Variants in CBFA2T2 observed in about 807,000 individuals in gnomAD.
The protein encoded by CBFA2T2 is protein CBFA2T2.
CBFA2T2 carries 11 observed loss-of-function variants against 62.2 expected under a neutral mutation model. The observed-to-expected ratio is 0.18, with a 90% CI of 0.11 to 0.29. The LOEUF (loss-of-function observed/expected upper bound fraction) is 0.29, where lower values mean the gene tolerates loss of function less well. CBFA2T2 is among the 10% of genes least tolerant of loss of function. The pLI is 1.00. For synonymous variants in CBFA2T2, 295 were observed against 287.5 expected (o/e 1.03, Z -0.27); for missense variants, 592 against 774.1 (o/e 0.76, Z 2.79).
chr20:33,596,666 T>C (rs1234663220), intron 1 of CBFA2T2, among the ~76,000 whole-genome samples: 1 of 152,190 alleles, frequency 6.6e-6, no homozygotes. Context: ...TTCCGTAGAA[T>C]CTATATGCCA....
chr20:33,553,389 G>T (rs767154184), intron 1 of CBFA2T2, among the ~76,000 whole-genome samples: 1 of 152,184 alleles, frequency 6.6e-6, no homozygotes, highest in Non-Finnish European at 1.5e-5. Flanking sequence ...ACTACGCCTG[G>T]CTAATTTTTT....
At chr20:33,598,381 G>A (rs561338899) in intron 1 of CBFA2T2, among the ~76,000 whole-genome samples, 3 of 152,206 alleles carry the variant, frequency 2.0e-5, no homozygotes, top group South Asian at 4.1e-4. Context: ...ATCCAGGCGC[G>A]TATTCTCTTT....
chr20:33,630,040 C>A, intron 8 of CBFA2T2, 126 bp downstream of exon 8: 1 of 816,194 alleles, frequency 1.2e-6, no homozygotes. Flanking sequence ...TTTAGGGAAA[C>A]TCAGGTGATT....
chr20:33,559,106 T>C (rs1736321284), intron 1 of CBFA2T2, among the ~76,000 whole-genome samples: 1 of 152,016 alleles, frequency 6.6e-6, no homozygotes, highest in South Asian at 2.1e-4. Flanking sequence ...AAATAGGTAT[T>C]ATTATGAACT....
intron 1 of CBFA2T2, among the ~76,000 whole-genome samples, chr20:33,561,238 G>A (rs1367909363): frequency 1.3e-5 from 2 of 151,688 alleles, no homozygotes; most frequent in Non-Finnish European, 2.9e-5. Context: ...GATCTCAAAC[G>A]CCTGAGCTCA....
chr20:33,580,201 G>C (rs535604945), intron 1 of CBFA2T2, among the ~76,000 whole-genome samples: 7 of 152,242 alleles, frequency 4.6e-5, no homozygotes, highest in Non-Finnish European at 8.8e-5. Flanking sequence ...TTTTAGGCGT[G>C]TAAATTTTTA....
intron 1 of CBFA2T2, among the ~76,000 whole-genome samples, chr20:33,535,956 G>A (rs1205275348): frequency 6.6e-6 from 1 of 152,194 alleles, no homozygotes; most frequent in Non-Finnish European, 1.5e-5. Context: ...AGTGGACACA[G>A]CACATGTTTC....
chr20:33,533,311 A>G lies in CBFA2T2; in HGVS notation c.34+43010A>G, dbSNP rs563968056. ...CCATGCTCCCCCTGCCCTGTCTCCA[A>G]GCAAACACTAATCTGCTTTCAGTCA... On this transcript the variant is annotated intron_variant, in intron 1 of 10. Transcript: ENST00000342704. Among the ~76,000 whole-genome samples, 11 of 152,314 alleles carry G rather than the reference A, an allele frequency of 7.2e-5. No individual in the cohort carries two copies. The South Asian group carries it at 1.9e-3, about 26-fold the overall frequency.
Position 33,624,850 on chromosome 20 carries a change from A to G in CBFA2T2, c.779A>G (p.His260Arg). The G allele has an allele frequency of 6.2e-7, 1 of 1,614,162 alleles. No homozygotes were observed. Among genetic ancestry groups the G allele is most frequent in the Non-Finnish European group, 8.5e-7 (1 of 1,180,030 alleles). Residue 260 changes from histidine to arginine, a missense_variant, in exon 6 of 11, where the codon CAC becomes CGC. This residue lies in a region of CBFA2T2 where 449 missense variants were observed against 551.2 expected (regional missense o/e 0.81). Transcript: ENST00000342704. ...RVCTISPAPR[H>R]SPALTVPLMN... Reference sequence around the variant, plus strand: ...TGTACCATCAGCCCTGCTCCTCGGCACAGTCCTGCTCTCACTGTGCCCCTC... The same window carrying G: ...TGTACCATCAGCCCTGCTCCTCGGCGCAGTCCTGCTCTCACTGTGCCCCTC...
chr20:33,589,766 G>T (rs1354691522), intron 1 of CBFA2T2, among the ~76,000 whole-genome samples: 1 of 152,080 alleles, frequency 6.6e-6, no homozygotes, highest in African/African-American at 2.4e-5. Flanking sequence ...CACCAGAGCT[G>T]TTCAATTGAA....
chr20:33,539,216 G>A (rs2012345487), intron 1 of CBFA2T2, among the ~76,000 whole-genome samples: 1 of 152,200 alleles, frequency 6.6e-6, no homozygotes, highest in Non-Finnish European at 1.5e-5. Context: ...TAGGAAGAGA[G>A]TAACACAAGA....
rs1273891462 is a variant in CBFA2T2, at chr20:33,565,048, T to C, written c.35-41908T>C. Among the ~76,000 whole-genome samples the C allele has an allele frequency of 3.3e-5, 5 of 152,082 alleles. No homozygotes were observed. In the East Asian group the frequency reaches 9.7e-4, roughly 29 times the overall value. On this transcript the variant is annotated intron_variant, in intron 1 of 10. Transcript: ENST00000342704. ...TATTCTCCTGCCTCAGCCTCCAGAG[T>C]AGCTGGGACTACAGGCACCCGCCAC...
intron 3 of CBFA2T2, 113 bp downstream of exon 3, chr20:33,611,448 T>C (rs1180787470): frequency 8.4e-7 from 1 of 1,190,348 alleles, no homozygotes; most frequent in Non-Finnish European, 1.2e-6. Context: ...ATATGGCAAA[T>C]GCTACAGACT....
rs2017155626 is a variant in CBFA2T2, at chr20:33,649,074, T to C, written c.*4428T>C. On this transcript the variant is annotated 3_prime_UTR_variant, in exon 11 of 11. Coordinates refer to ENST00000342704, the MANE Select transcript of CBFA2T2 (RefSeq NM_001032999.3). ...GTAGAATTGAATAAATCACTGAAAA[T>C]AGAACACTTCTTGGAGGCTTTCTTC... 1 of 152,076 alleles carries C rather than the reference T, an allele frequency of 6.6e-6. No individual in the cohort carries two copies. 9.4% of individuals were successfully genotyped at this position (152,076 alleles called of 1,614,324 possible).
intron 1 of CBFA2T2, among the ~76,000 whole-genome samples, chr20:33,501,971 G>A (rs1022550703): frequency 1.3e-5 from 2 of 151,526 alleles, no homozygotes; most frequent in Non-Finnish European, 2.9e-5. Flanking sequence ...TTTTTATTTT[G>A]TAGAGATGAG....
At chr20:33,633,006 G>T (rs1460965845) in intron 8 of CBFA2T2, among the ~76,000 whole-genome samples, 1 of 151,764 alleles carries the variant, frequency 6.6e-6, no homozygotes, top group Non-Finnish European at 1.5e-5. Flanking sequence ...TAATCTGCCC[G>T]CCTTGGCCTC....
intron 1 of CBFA2T2, among the ~76,000 whole-genome samples, chr20:33,496,265 T>C (rs2011198410): frequency 6.6e-6 from 1 of 152,194 alleles, no homozygotes; most frequent in South Asian, 2.1e-4. Context: ...ACAGGGAACC[T>C]GATTGAAGCT....
rs117239055 is a variant in CBFA2T2 at position 33,630,984 on chromosome 20, A to G, written c.1228+1070A>G. 9.5e-3 allele frequency among the ~76,000 whole-genome samples: 1,448 copies of G among 152,294 alleles called. 11 individuals are homozygous for G. Among genetic ancestry groups the G allele is most frequent in the Non-Finnish European group, 0.013 (853 of 68,024 alleles). On this transcript the variant is annotated intron_variant, in intron 8 of 10. Coordinates refer to ENST00000342704, the MANE Select transcript of CBFA2T2 (RefSeq NM_001032999.3). ...ATCTAGCACAACAAGGCGTCAACAC[A>G]TATGTAGAGTTATATAGTATGATTC...
intron 7 of CBFA2T2, among the ~76,000 whole-genome samples, chr20:33,628,941 C>G (rs2016349865): frequency 6.6e-6 from 1 of 152,122 alleles, no homozygotes; most frequent in South Asian, 2.1e-4. Context: ...GGTCAGAAAC[C>G]AAATAAAGTC....
Sources: gnomAD v4.1 joint callset for allele counts (sites outside exome capture counted in the v4.1 genomes callset) on GRCh38, gnomAD v4.1.1 for gene constraint, gnomAD v4.1.1 regional missense constraint, MANE v1.5 for transcripts, NCBI Gene and HGNC (gene_info 2026-07-23, HGNC 2026-07-21) for gene names.